PRRX1: variants seen among roughly 807,000 people sequenced by gnomAD.
PRRX1 encodes paired related homeobox 1, also known as paired mesoderm homeobox protein 1.
In PRRX1, 8 loss-of-function variants were observed where a neutral mutation model predicts 24.0. The observed-to-expected ratio is 0.33, with a 90% CI of 0.20 to 0.60. The LOEUF (loss-of-function observed/expected upper bound fraction) is 0.60, where lower values mean the gene tolerates loss of function less well. PRRX1 is among the 20% of genes least tolerant of loss of function. The pLI, the probability that PRRX1 is intolerant of heterozygous loss-of-function variation, is 0.82. For synonymous variants in PRRX1, 160 were observed against 131.7 expected (o/e 1.22, Z -1.47); for missense variants, 281 against 322.4 (o/e 0.87, Z 0.98).
chr1:170,677,925 G>A (rs1394774706), intron 1 of PRRX1, among the ~76,000 whole-genome samples: 1 of 152,078 alleles, frequency 6.6e-6, no homozygotes, highest in African/African-American at 2.4e-5. Context: ...CATATGCTTG[G>A]GACACAAGGT....
rs143110571 is a variant in PRRX1 at position 170,719,075 on chromosome 1, C to T, written c.242-651C>T. Among the ~76,000 whole-genome samples the T allele has an allele frequency of 7.4e-3, 1,121 of 152,250 alleles. 10 individuals are homozygous for T. Among genetic ancestry groups the T allele is most frequent in the African/African-American group, 0.026 (1,080 of 41,540 alleles). ...GGAGTGAGCCCCAGGCTAATGTTAGCTTGGGTTGATGGCATTGTAGCACTA... is the reference window on the plus strand; with the variant it reads ...GGAGTGAGCCCCAGGCTAATGTTAGTTTGGGTTGATGGCATTGTAGCACTA... On this transcript the variant is annotated intron_variant, in intron 1 of 3. Coordinates refer to ENST00000239461, the MANE Select transcript of PRRX1 (RefSeq NM_022716.4).
chr1:170,709,747 T>C (rs1191830106), intron 1 of PRRX1, among the ~76,000 whole-genome samples: 1 of 152,152 alleles, frequency 6.6e-6, no homozygotes, highest in East Asian at 1.9e-4. Flanking sequence ...TTCAAATGAA[T>C]GAATAAAGTG....
intron 1 of PRRX1, among the ~76,000 whole-genome samples, chr1:170,677,954 A>G (rs1653377301): frequency 6.6e-6 from 1 of 152,220 alleles, no homozygotes; most frequent in Admixed American, 6.5e-5. Flanking sequence ...TTCTTATTCC[A>G]GACCTGACAT....
At chr1:170,716,309 G>A (rs1473144331) in intron 1 of PRRX1, among the ~76,000 whole-genome samples, 1 of 152,220 alleles carries the variant, frequency 6.6e-6, no homozygotes, top group African/African-American at 2.4e-5. Context: ...TGTAGGCCAG[G>A]AGCAGTGGCT....
upstream of PRRX1, chr1:170,664,084 C>CT (rs1553250928): frequency 1.4e-6 from 1 of 710,834 alleles, no homozygotes; most frequent in Non-Finnish European, 2.0e-6. Flanking sequence ...CCTCCCTCTT[C>CT]CTCCCTCTCT....
intron 3 of PRRX1, among the ~76,000 whole-genome samples, chr1:170,732,949 G>A (rs1655484744): frequency 6.6e-6 from 1 of 152,044 alleles, no homozygotes; most frequent in Admixed American, 6.6e-5. Flanking sequence ...AATCAGACGA[G>A]GGCACTGTTC....
At position 170,726,377 on chromosome 1, in the gene PRRX1, C is replaced by G. The variant is rs1171806058; in HGVS notation, c.575C>G (p.Ser192Cys). Residue 192 changes from serine to cysteine, a missense_variant, in exon 3 of 4, where the codon TCC (serine) becomes TGC (cysteine). Transcript: ENST00000239461. ...RPAPRPTDYL[S>C]WGTASPYSAM... ...GCTCCGAGACCCACCGATTATCTCTCCTGGGGGACAGCGTCTCCGTACAGG... is the reference window on the plus strand; with the variant it reads ...GCTCCGAGACCCACCGATTATCTCTGCTGGGGGACAGCGTCTCCGTACAGG... 1 of 1,613,954 alleles carries G rather than the reference C, an allele frequency of 6.2e-7. No individual in the cohort carries two copies. The highest frequency in any genetic ancestry group is 8.5e-7 in the Non-Finnish European group (1 of 1,179,976).
At chr1:170,712,302 G>A (rs915947402) in intron 1 of PRRX1, among the ~76,000 whole-genome samples, 3 of 152,082 alleles carry the variant, frequency 2.0e-5, no homozygotes, top group Non-Finnish European at 4.4e-5. Context: ...GCAAACACCT[G>A]TGCATGATAT....
chr1:170,724,448 G>A (rs1475119979), intron 2 of PRRX1, among the ~76,000 whole-genome samples: 1 of 152,122 alleles, frequency 6.6e-6, no homozygotes, highest in East Asian at 1.9e-4. Context: ...TTTATCTTGA[G>A]TTAATTTTTG....
intron 3 of PRRX1, among the ~76,000 whole-genome samples, chr1:170,732,927 A>G (rs1319578555): frequency 1.3e-5 from 2 of 152,138 alleles, no homozygotes; most frequent in African/African-American, 4.8e-5. Context: ...TTCTTATACA[A>G]TGCCACCATA....
chr1:170,705,587 A>G (rs1307533514), intron 1 of PRRX1, among the ~76,000 whole-genome samples: 1 of 152,088 alleles, frequency 6.6e-6, no homozygotes, highest in African/African-American at 2.4e-5. Context: ...CTGGCCCTGA[A>G]ATATCTATTT....
intron 1 of PRRX1, among the ~76,000 whole-genome samples, chr1:170,705,289 T>C (rs1654521427): frequency 6.6e-6 from 1 of 152,162 alleles, no homozygotes; most frequent in Admixed American, 6.5e-5. Context: ...AGACATTATA[T>C]ATACATATTT....
intron 3 of PRRX1, chr1:170,728,378 A>G (rs1655321587): frequency 6.6e-6 from 1 of 152,242 alleles, no homozygotes; most frequent in Non-Finnish European, 1.5e-5. Context: ...ATGTAGAAAT[A>G]CTGGATACAT....
intron 1 of PRRX1, among the ~76,000 whole-genome samples, chr1:170,713,815 C>A (rs539001314): frequency 2.6e-5 from 4 of 152,248 alleles, no homozygotes; most frequent in Admixed American, 2.6e-4. Flanking sequence ...CAAGTCTATA[C>A]CAAGATGACA....
intron 1 of PRRX1, among the ~76,000 whole-genome samples, chr1:170,679,279 A>G (rs1653424228): frequency 6.6e-6 from 1 of 152,254 alleles, no homozygotes; most frequent in Non-Finnish European, 1.5e-5. Flanking sequence ...AAGAGCACAC[A>G]TATAGCACTT....
rs115492463 is a variant in PRRX1 at position 170,739,062 on chromosome 1, G to A, written c.*2876G>A. ...ATGTGATTTGGAAAAGATGCCTTCT[G>A]GATCTTAAGCCAGTTGTCAGTGGAG... On this transcript the variant is annotated 3_prime_UTR_variant, in exon 4 of 4. Coordinates refer to ENST00000239461, the MANE Select transcript of PRRX1 (RefSeq NM_022716.4). The A allele has an allele frequency of 2.3e-4, 50 of 217,172 alleles. No individual in the cohort carries two copies. The highest frequency in any genetic ancestry group is 9.9e-4 in the African/African-American group (44 of 44,520). The allele number at this position is 217,172 out of a possible 1,614,324, so 13.5% of individuals were successfully genotyped here.
rs576081981 is a variant in PRRX1 at position 170,708,253 on chromosome 1, C to T, written c.242-11473C>T. Among the ~76,000 whole-genome samples the T allele has an allele frequency of 2.2e-3, 338 of 152,226 alleles. 2 individuals carry two copies. Among genetic ancestry groups the T allele is most frequent in the Non-Finnish European group, 3.6e-3 (245 of 68,016 alleles). On this transcript the variant is annotated intron_variant, in intron 1 of 3. Coordinates refer to ENST00000239461, the MANE Select transcript of PRRX1 (RefSeq NM_022716.4). ...CAAGGACTTCTTTAGGGCTGTTCAA[C>T]AACAGGGGACATGATTCAATGGAAT...
In PRRX1 at chr1:170,726,394, C is replaced by G; in HGVS notation, c.592C>G (p.Pro198Ala). The stretch of plus-strand genomic sequence containing the variant: ...TTATCTCTCCTGGGGGACAGCGTCT[C>G]CGTACAGGTGAATGACTGGCCCACT... ...TDYLSWGTAS[P>A]YSAMATYSAT... Residue 198 changes from proline to alanine, a missense_variant, in exon 3 of 4, where the codon CCG becomes GCG. Physicochemically the swap from Pro to Ala is conservative, Grantham distance 27. Coordinates refer to ENST00000239461, the MANE Select transcript of PRRX1 (RefSeq NM_022716.4). The G allele has an allele frequency of 6.2e-7, 1 of 1,614,026 alleles. No homozygotes were observed. The highest frequency in any genetic ancestry group is 8.5e-7 in the Non-Finnish European group (1 of 1,179,902).
chr1:170,689,221 G>T (rs899709415), intron 1 of PRRX1, among the ~76,000 whole-genome samples: 1 of 151,980 alleles, frequency 6.6e-6, no homozygotes, highest in Non-Finnish European at 1.5e-5. Context: ...ATAAGCAAAA[G>T]AAGAACTTAA....
Sources: gnomAD v4.1 joint callset for allele counts (sites outside exome capture counted in the v4.1 genomes callset) on GRCh38, gnomAD v4.1.1 for gene constraint, MANE v1.5 for transcripts, NCBI Gene and HGNC (gene_info 2026-07-23, HGNC 2026-07-21) for gene names.